The following DNER variants were observed in gnomAD, a reference collection of about 807,000 sequenced individuals.
The protein encoded by DNER is delta/notch like EGF repeat containing.
A neutral mutation model predicts 78.2 loss-of-function variants in DNER; 33 were observed. The observed-to-expected ratio is 0.42, with a 90% CI of 0.32 to 0.56. The LOEUF is 0.56. DNER is among the 20% of genes least tolerant of loss of function. The pLI is 0.11. For synonymous variants in DNER, 417 were observed against 384.8 expected (o/e 1.08, Z -0.98); for missense variants, 918 against 975.3 (o/e 0.94, Z 0.78).
chr2:229,456,535 C>A (rs2106366099), intron 7 of DNER, among the ~76,000 whole-genome samples: 1 of 152,078 alleles, frequency 6.6e-6, no homozygotes, highest in African/African-American at 2.4e-5. Context: ...CATCTCTCCA[C>A]TTCCCATGGT....
intron 12 of DNER, among the ~76,000 whole-genome samples, chr2:229,363,370 G>T (rs1354637728): frequency 6.6e-6 from 1 of 152,186 alleles, no homozygotes; most frequent in East Asian, 1.9e-4. Flanking sequence ...ATGGACACTG[G>T]CTGCTGAAAA....
intron 1 of DNER, among the ~76,000 whole-genome samples, chr2:229,599,775 C>T (rs10490185): frequency 0.1 from 15,446 of 152,028 alleles, 1,147 homozygotes; most frequent in Non-Finnish European, 0.16. Context: ...AATGCCTCAG[C>T]GAAAAGGGCA....
At chr2:229,613,713 TA>T (rs1158465756) in intron 1 of DNER, among the ~76,000 whole-genome samples, 1 of 152,072 alleles carries the variant, frequency 6.6e-6, no homozygotes, top group East Asian at 1.9e-4. Flanking sequence ...ACTTTTACTT[TA>T]AAGACATTTC....
At chr2:229,478,173 A>G (rs1438878471) in intron 6 of DNER, among the ~76,000 whole-genome samples, 1 of 152,238 alleles carries the variant, frequency 6.6e-6, no homozygotes, top group Non-Finnish European at 1.5e-5. Context: ...TCAATACTGT[A>G]GAGATAATTC....
Position 229,397,473 on chromosome 2 carries a change from A to AC in DNER, c.1724-9078_1724-9077insG, listed in dbSNP as rs554896219. Among the ~76,000 whole-genome samples, 512 of 150,862 alleles carry AC rather than the reference A, an allele frequency of 3.4e-3. 6 individuals are homozygous for AC. Among genetic ancestry groups the AC allele is most frequent in the African/African-American group, 0.012 (496 of 41,298 alleles). ...TCCAGCCAAACACTACAAAAAAAAA[A>AC]AAAAAACTGCAAGTCCCCTCACCCA... On this transcript the variant is annotated intron_variant, in intron 10 of 12. Transcript: ENST00000341772.
intron 5 of DNER, among the ~76,000 whole-genome samples, chr2:229,526,925 C>T (rs1574886017): frequency 2.0e-5 from 3 of 152,294 alleles, no homozygotes; most frequent in East Asian, 3.9e-4. Flanking sequence ...TCCTCATTCA[C>T]GTGCACACAC....
intron 6 of DNER, among the ~76,000 whole-genome samples, chr2:229,508,185 T>A (rs1234501683): frequency 6.6e-6 from 1 of 152,226 alleles, no homozygotes; most frequent in Non-Finnish European, 1.5e-5. Flanking sequence ...CTGAAGAAGA[T>A]GTGAGTCTAC....
At chr2:229,499,538 A>G (rs547887861) in intron 6 of DNER, among the ~76,000 whole-genome samples, 80 of 152,108 alleles carry the variant, frequency 5.3e-4, no homozygotes, top group Non-Finnish European at 1.0e-3. Flanking sequence ...ATGCAGAAGA[A>G]TGAAATTGGA....
At chr2:229,380,344 C>A (rs1417386452) in intron 11 of DNER, among the ~76,000 whole-genome samples, 3 of 152,124 alleles carry the variant, frequency 2.0e-5, no homozygotes, top group Non-Finnish European at 2.9e-5. Flanking sequence ...GACAGACAGG[C>A]AGAAGCAGGC....
intron 12 of DNER, among the ~76,000 whole-genome samples, chr2:229,363,148 G>A (rs1300713002): frequency 6.6e-6 from 1 of 152,180 alleles, no homozygotes; most frequent in Non-Finnish European, 1.5e-5. Context: ...AAGCAAGCAT[G>A]TTGCAGATGA....
At chr2:229,401,264 T>C (rs1247300730) in intron 10 of DNER, among the ~76,000 whole-genome samples, 1 of 152,070 alleles carries the variant, frequency 6.6e-6, no homozygotes, top group Non-Finnish European at 1.5e-5. Context: ...GGAAACATTT[T>C]GGCTCTTTTT....
chr2:229,591,031 C>T lies in DNER; in HGVS notation c.585+549G>A, dbSNP rs1334808763. Among the ~76,000 whole-genome samples the T allele has an allele frequency of 6.6e-6, 1 of 152,220 alleles. No individual in the cohort carries two copies. Among genetic ancestry groups the T allele is most frequent in the Non-Finnish European group, 1.5e-5 (1 of 68,044 alleles). ...CTTTGCCTTCCGCCATGATTGTAAGCTTCCAGAGGCTCAGCAGAAGCAGAT... is the reference window on the plus strand; with the variant it reads ...CTTTGCCTTCCGCCATGATTGTAAGTTTCCAGAGGCTCAGCAGAAGCAGAT... On this transcript the variant is annotated intron_variant, in intron 2 of 12. Coordinates refer to ENST00000341772, the MANE Select transcript of DNER (RefSeq NM_139072.4). This position sits in a 1 kb window ranked among gnomAD's most constrained non-coding sequence, Gnocchi z 4.6.
chr2:229,501,759 G>T (rs985973445), intron 6 of DNER, among the ~76,000 whole-genome samples: 1 of 152,140 alleles, frequency 6.6e-6, no homozygotes, highest in Admixed American at 6.5e-5. Context: ...CTGTTTGAAG[G>T]TTTTTGTGTA....
At chr2:229,410,933 A>T (rs989166321) in intron 9 of DNER, among the ~76,000 whole-genome samples, 1 of 152,214 alleles carries the variant, frequency 6.6e-6, no homozygotes, top group Admixed American at 6.5e-5. Context: ...TACTTCCTCT[A>T]TGAAAACTTT....
intron 3 of DNER, among the ~76,000 whole-genome samples, chr2:229,587,629 G>A (rs1394720750): frequency 6.6e-6 from 1 of 152,192 alleles, no homozygotes; most frequent in East Asian, 1.9e-4. Context: ...CCCAAAGACT[G>A]GACAGCAAAT....
At chr2:229,645,245 G>C (rs1559193916) in intron 1 of DNER, among the ~76,000 whole-genome samples, 1 of 152,110 alleles carries the variant, frequency 6.6e-6, no homozygotes, top group Non-Finnish European at 1.5e-5. Flanking sequence ...AGCCTCAAAG[G>C]ATCCTCCTGC....
Position 229,471,661 on chromosome 2 carries a change from C to T in DNER, c.1261+5479G>A, listed in dbSNP as rs533230068. ...AAGAGATAAAATTATGTGACTTAAC[C>T]GAGGTTAGATGACTAATTAATAACA... On this transcript the variant is annotated intron_variant, in intron 7 of 12. Transcript: ENST00000341772. Among the ~76,000 whole-genome samples, 11 of 152,242 alleles carry T rather than the reference C, an allele frequency of 7.2e-5. No individual in the cohort carries two copies. In the East Asian group the frequency reaches 9.6e-4, roughly 13 times the overall value.
chr2:229,600,685 A>G (rs764760461), intron 1 of DNER, among the ~76,000 whole-genome samples: 4 of 152,332 alleles, frequency 2.6e-5, no homozygotes, highest in Admixed American at 2.6e-4. Flanking sequence ...CAAGAACACA[A>G]TGAAGGGTCA....
intron 1 of DNER, among the ~76,000 whole-genome samples, chr2:229,636,696 C>G (rs1005659658): frequency 4.6e-5 from 7 of 152,160 alleles, no homozygotes; most frequent in African/African-American, 1.4e-4. Context: ...TTCCCCCAAA[C>G]CAGTTTTCCC....
Sources: gnomAD v4.1 joint callset for allele counts (sites outside exome capture counted in the v4.1 genomes callset) on GRCh38, gnomAD v4.1.1 for gene constraint, Gnocchi (gnomAD v3.1) non-coding constraint, MANE v1.5 for transcripts, NCBI Gene and HGNC (gene_info 2026-07-23, HGNC 2026-07-21) for gene names.